Variants in SH2B3 observed in about 807,000 individuals in gnomAD.
The protein encoded by SH2B3 is SH2B adapter protein 3.
In SH2B3, 43 loss-of-function variants were observed where a neutral mutation model predicts 51.9. The observed-to-expected ratio is 0.83, with a 90% confidence interval of 0.65 to 1.07. The LOEUF (loss-of-function observed/expected upper bound fraction) is 1.07, where lower values mean the gene tolerates loss of function less well. SH2B3 is among the 50% of genes least tolerant of loss of function. The pLI, the probability that SH2B3 is intolerant of heterozygous loss-of-function variation, is 0.00. For missense variants in SH2B3, 952 were observed against 834.3 expected (o/e 1.14, Z -1.74); for synonymous variants, 396 against 376.0 (o/e 1.05, Z -0.62).
intron 1 of SH2B3, among the ~76,000 whole-genome samples, chr12:111,414,776 A>C (rs1210339330): frequency 6.6e-6 from 1 of 152,120 alleles, no homozygotes; most frequent in African/African-American, 2.4e-5. Flanking sequence ...GGCCACATGC[A>C]GAGACGGTGC....
chr12:111,424,646 C>T (rs974563095), intron 2 of SH2B3, among the ~76,000 whole-genome samples: 2 of 152,074 alleles, frequency 1.3e-5, no homozygotes, highest in East Asian at 3.9e-4. Flanking sequence ...GCCTGCAAAG[C>T]AAGCAGCCCT....
chr12:111,439,132 C>T (rs1873165045), intron 2 of SH2B3, among the ~76,000 whole-genome samples: 1 of 152,086 alleles, frequency 6.6e-6, no homozygotes, highest in Admixed American at 6.5e-5. Flanking sequence ...GCCACCATGC[C>T]CGACTAATTT....
chr12:111,437,644 G>A (rs991499472), intron 2 of SH2B3, among the ~76,000 whole-genome samples: 22 of 152,224 alleles, frequency 1.4e-4, no homozygotes, highest in African/African-American at 4.3e-4. Context: ...GGAGGGGCCA[G>A]GCTTGGGGTC....
Position 111,410,168 on chromosome 12 carries a change from G to T in SH2B3, c.-28+3891G>T, listed in dbSNP as rs1870583163. ...GGGGCTGACTCACAGGCGCCCAATG[G>T]GGGGCCCCAGCTGGGAGACTGGGAA... On this transcript the variant is annotated intron_variant, in intron 1 of 7. Coordinates refer to ENST00000341259, the MANE Select transcript of SH2B3 (RefSeq NM_005475.3). The surrounding 1 kb of genome is among the most constrained non-coding windows in gnomAD (Gnocchi z 4.9). Among the ~76,000 whole-genome samples, 1 of 152,202 alleles carries T rather than the reference G, an allele frequency of 6.6e-6. No individual in the cohort carries two copies. Among genetic ancestry groups the T allele is most frequent in the Admixed American group, 6.5e-5 (1 of 15,288 alleles).
In SH2B3 at chr12:111,448,317, C is replaced by T. The variant is rs1461135012; in HGVS notation, c.*15C>T. The T allele has an allele frequency of 5.8e-6, 9 of 1,562,250 alleles. No homozygotes were observed. ...CACCTCTCTGACCAGTGAGGAATTC[C>T]AGGCCTCAACAGCTGCCCTTGAGGA... On this transcript the variant is annotated 3_prime_UTR_variant, in exon 8 of 8. Coordinates refer to ENST00000341259, the MANE Select transcript of SH2B3 (RefSeq NM_005475.3).
rs1462910818 is a variant in SH2B3 at position 111,407,647 on chromosome 12, TC to T, written c.-28+1372del. Among the ~76,000 whole-genome samples, 1 of 152,214 alleles carries T rather than the reference TC, an allele frequency of 6.6e-6. No individual in the cohort carries two copies. Among genetic ancestry groups the T allele is most frequent in the Non-Finnish European group, 1.5e-5 (1 of 68,032 alleles). ...GTTGGAAGGGTTTTTAGTGCACTTTTCCTGAGCCTTTTCCCACTACCCCCTC... is the reference window on the plus strand; with the variant it reads ...GTTGGAAGGGTTTTTAGTGCACTTTTCTGAGCCTTTTCCCACTACCCCCTC... On this transcript the variant is annotated intron_variant, in intron 1 of 7. Coordinates refer to ENST00000341259, the MANE Select transcript of SH2B3 (RefSeq NM_005475.3). The surrounding 1 kb of genome is among the most constrained non-coding windows in gnomAD (Gnocchi z 4.3).
chr12:111,447,811 C>T lies in SH2B3; in HGVS notation c.1392C>T (p.Val464=), dbSNP rs371042608. 39 of 1,613,788 alleles carry T rather than the reference C, an allele frequency of 2.4e-5. No homozygotes were observed. The highest frequency in any genetic ancestry group is 1.7e-4 in the Admixed American group (10 of 59,984). The change falls in exon 7 of 8, where the codon GTC becomes GTT. Residue 464 remains valine, a synonymous_variant. Coordinates refer to ENST00000341259, the MANE Select transcript of SH2B3 (RefSeq NM_005475.3). ...TCCGGCTCTCCAGCTACGTGGTAGT[C>T]GTCTCCCAACCACCAGGTCTGACCC... ...CDVRLSSYVV[V]VSQPPGSCNT...
At position 111,450,294 on chromosome 12, in the gene SH2B3, T is replaced by C. The variant is rs777734730; in HGVS notation, c.*1992T>C. 2.6e-5 allele frequency: 4 copies of C among 152,248 alleles called. No individual in the cohort carries two copies. The highest frequency in any genetic ancestry group is 4.4e-5 in the Non-Finnish European group (3 of 68,046). 9.4% of individuals were successfully genotyped at this position (152,248 alleles called of 1,614,324 possible). On this transcript the variant is annotated 3_prime_UTR_variant, in exon 8 of 8. Coordinates refer to ENST00000341259, the MANE Select transcript of SH2B3 (RefSeq NM_005475.3). ...AAAGCAGACCTGACACTGATCCAGA[T>C]TTGCAGTCCATTTTTAAGGACACCT...
intron 2 of SH2B3, among the ~76,000 whole-genome samples, chr12:111,441,256 T>C (rs1873383748): frequency 6.6e-6 from 1 of 150,772 alleles, no homozygotes; most frequent in South Asian, 2.1e-4. Context: ...CATGTGTCTG[T>C]AATCCCAGCT....
intron 2 of SH2B3, among the ~76,000 whole-genome samples, chr12:111,428,707 G>A (rs1234168666): frequency 1.3e-5 from 2 of 152,218 alleles, no homozygotes; most frequent in Non-Finnish European, 1.5e-5. Context: ...TCCTGGGTGT[G>A]CCTGGGTCTG....
At chr12:111,408,453 G>A (rs1021983160) in intron 1 of SH2B3, among the ~76,000 whole-genome samples, 11 of 121,792 alleles carry the variant, frequency 9.0e-5, no homozygotes, top group African/African-American at 1.3e-4. Context: ...CTCCTTCTCC[G>A]ATAAATAGAA....
chr12:111,406,937 C>A lies in SH2B3; in HGVS notation c.-28+660C>A, dbSNP rs949050018. ...TCTTGCCTGGGGTTCCCTGGGAATC[C>A]CCCGACCAAAAAACGTCTGGAGTGG... On this transcript the variant is annotated intron_variant, in intron 1 of 7. Coordinates refer to ENST00000341259, the MANE Select transcript of SH2B3 (RefSeq NM_005475.3). The surrounding 1 kb of genome is among the most constrained non-coding windows in gnomAD (Gnocchi z 5.7). 6.6e-6 allele frequency among the ~76,000 whole-genome samples: 1 copy of A among 152,110 alleles called. No individual in the cohort carries two copies. The highest frequency in any genetic ancestry group is 2.4e-5 in the African/African-American group (1 of 41,430).
chr12:111,422,808 C>T (rs1871662962), intron 2 of SH2B3, among the ~76,000 whole-genome samples: 1 of 152,146 alleles, frequency 6.6e-6, no homozygotes, highest in Non-Finnish European at 1.5e-5. Flanking sequence ...GATCCACCTG[C>T]CTCAGCCTCC....
intron 2 of SH2B3, among the ~76,000 whole-genome samples, chr12:111,430,101 C>T (rs1028835903): frequency 2.0e-5 from 3 of 152,214 alleles, no homozygotes; most frequent in Non-Finnish European, 2.9e-5. Context: ...CTCACTCTGT[C>T]CTGGGCTGCC....
At chr12:111,411,680 T>TA (rs1870712015) in intron 1 of SH2B3, among the ~76,000 whole-genome samples, 1 of 152,162 alleles carries the variant, frequency 6.6e-6, no homozygotes, top group East Asian at 1.9e-4. Context: ...AGGCCCTCAA[T>TA]AGCCCTTTGG....
intron 2 of SH2B3, among the ~76,000 whole-genome samples, chr12:111,420,957 C>T (rs1202752397): frequency 6.6e-6 from 1 of 152,144 alleles, no homozygotes; most frequent in Non-Finnish European, 1.5e-5. Flanking sequence ...GTATGAGACA[C>T]ATCTGAAGCT....
intron 1 of SH2B3, among the ~76,000 whole-genome samples, chr12:111,412,423 C>T (rs1361103548): frequency 6.6e-6 from 1 of 152,222 alleles, no homozygotes; most frequent in Non-Finnish European, 1.5e-5. Flanking sequence ...CCCATGACGC[C>T]CCGAGCCCAG....
At chr12:111,405,124 T>C (rs566840743), upstream of SH2B3, among the ~76,000 whole-genome samples, 1 of 151,104 alleles carries the variant, frequency 6.6e-6, no homozygotes, top group Admixed American at 6.6e-5. This position sits in a 1 kb window ranked among gnomAD's most constrained non-coding sequence, Gnocchi z 5.4. Context: ...GTGGAGAAAA[T>C]GTAAGTAGCC....
At position 111,447,221 on chromosome 12, in the gene SH2B3, T is replaced by C; in HGVS notation, c.1021+2T>C. On this transcript the variant is annotated splice_donor_variant, in intron 5 of 7. Transcript: ENST00000341259. LOFTEE classifies it high-confidence loss of function. ...GCAGCACAGATTCCCTTAACCAAGG[T>C]GGGTAAACCAATAGCTAGGCCATTG... is the stretch of plus-strand genomic sequence containing the variant. 1 of 1,610,930 alleles carries C rather than the reference T, an allele frequency of 6.2e-7. No homozygotes were observed. Among genetic ancestry groups the C allele is most frequent in the East Asian group, 2.2e-5 (1 of 44,852 alleles).
Sources: gnomAD v4.1 joint callset for allele counts (sites outside exome capture counted in the v4.1 genomes callset) on GRCh38, gnomAD v4.1.1 for gene constraint, Gnocchi (gnomAD v3.1) non-coding constraint, MANE v1.5 for transcripts, NCBI Gene and HGNC (gene_info 2026-07-23, HGNC 2026-07-21) for gene names.